FOXP2: variants seen among roughly 807,000 people sequenced by gnomAD.
FOXP2 encodes forkhead box P2.
Under a neutral mutation model 115.8 loss-of-function variants are expected in FOXP2, and 12 were observed. The observed-to-expected ratio is 0.10, with a 90% CI of 0.07 to 0.17. FOXP2 has a LOEUF of 0.17. FOXP2 is among the 10% of genes least tolerant of loss of function. The pLI, the probability that FOXP2 is intolerant of heterozygous loss-of-function variation, is 1.00. For missense variants in FOXP2, 629 were observed against 843.5 expected (o/e 0.75, Z 3.15); for synonymous variants, 328 against 297.7 (o/e 1.10, Z -1.05).
intron 2 of FOXP2, among the ~76,000 whole-genome samples, chr7:114,505,759 A>T (rs1797785000): frequency 6.6e-6 from 1 of 151,530 alleles, no homozygotes; most frequent in Non-Finnish European, 1.5e-5. Flanking sequence ...GTTCAGAAGG[A>T]GTCTACAGTT....
chr7:114,349,367 A>G (rs1791423598), intron 2 of FOXP2, among the ~76,000 whole-genome samples: 1 of 152,118 alleles, frequency 6.6e-6, no homozygotes, highest in East Asian at 1.9e-4. Flanking sequence ...TCCATTTTAG[A>G]GATGAGGAAG....
intron 6 of FOXP2, among the ~76,000 whole-genome samples, chr7:114,641,052 A>G (rs181249054): frequency 1.9e-4 from 29 of 152,334 alleles, no homozygotes; most frequent in African/African-American, 6.7e-4. Context: ...TTCTTAATAT[A>G]GTATTTTAAT....
intron 3 of FOXP2, among the ~76,000 whole-genome samples, chr7:114,575,715 CA>C (rs1225364072): frequency 1.3e-5 from 2 of 151,834 alleles, no homozygotes; most frequent in African/African-American, 4.8e-5. Context: ...CATGAAGATA[CA>C]AAGTTAGGAA....
intron 3 of FOXP2, among the ~76,000 whole-genome samples, chr7:114,537,913 A>G (rs1198874344): frequency 6.6e-6 from 1 of 151,684 alleles, no homozygotes; most frequent in African/African-American, 2.4e-5. Context: ...AAGCATTACC[A>G]GATGTTTCTG....
chr7:114,654,806 T>C (rs1383717141), intron 10 of FOXP2, among the ~76,000 whole-genome samples: 3 of 152,148 alleles, frequency 2.0e-5, no homozygotes, highest in African/African-American at 4.8e-5. Flanking sequence ...GATTAATGAT[T>C]GCCAGTCTTG....
intron 1 of FOXP2, among the ~76,000 whole-genome samples, chr7:114,148,772 T>C (rs75264672): frequency 3.3e-5 from 5 of 152,308 alleles, no homozygotes; most frequent in Non-Finnish European, 5.9e-5. Flanking sequence ...TTATGTTCCT[T>C]TTTCTTCATC....
chr7:114,335,948 G>T (rs970958220), intron 2 of FOXP2, among the ~76,000 whole-genome samples: 21 of 151,724 alleles, frequency 1.4e-4, no homozygotes, highest in Non-Finnish European at 3.0e-5. Context: ...GATGTTTAAA[G>T]ATGAACCAAG....
chr7:114,408,740 AAAATAAAT>A (rs569530031), intron 2 of FOXP2, among the ~76,000 whole-genome samples: 131 of 152,110 alleles, frequency 8.6e-4, no homozygotes, highest in African/African-American at 3.0e-3. Flanking sequence ...AACATAAATA[AAAATAAAT>A]AAATAAATAA....
intron 2 of FOXP2, among the ~76,000 whole-genome samples, chr7:114,455,046 T>A (rs1311997646): frequency 6.6e-6 from 1 of 151,796 alleles, no homozygotes; most frequent in East Asian, 1.9e-4. Flanking sequence ...AAAATCTTGA[T>A]GTTTCCCTAA....
intron 1 of FOXP2, among the ~76,000 whole-genome samples, chr7:114,126,064 T>A (rs575168034): frequency 6.6e-6 from 1 of 152,236 alleles, no homozygotes; most frequent in East Asian, 1.9e-4. Flanking sequence ...ATAGTAATAT[T>A]GTCAAGAAGC....
At chr7:114,591,510 C>A (rs1402219909) in intron 3 of FOXP2, among the ~76,000 whole-genome samples, 2 of 151,898 alleles carry the variant, frequency 1.3e-5, no homozygotes, top group Non-Finnish European at 2.9e-5. Context: ...AGTTATATGT[C>A]AGATGGAAGC....
chr7:114,274,603 CTTTTTTTTTTTTTTTT>C (rs71157577), intron 1 of FOXP2, among the ~76,000 whole-genome samples: 1 of 42,580 alleles, frequency 2.3e-5, no homozygotes, highest in Non-Finnish European at 4.0e-5. Context: ...CCTCTCAAAG[CTTTTTTTTTTTTTTTT>C]TTTTTTTTTT....
chr7:114,141,685 G>A (rs2129147116), intron 1 of FOXP2, among the ~76,000 whole-genome samples: 1 of 152,242 alleles, frequency 6.6e-6, no homozygotes, highest in Admixed American at 6.5e-5. Context: ...CACTTCCTTT[G>A]TGTGTGGCGG....
At chr7:114,590,807 G>A (rs1404581813) in intron 3 of FOXP2, among the ~76,000 whole-genome samples, 2 of 152,016 alleles carry the variant, frequency 1.3e-5, no homozygotes, top group Non-Finnish European at 2.9e-5. Context: ...TTGGCTTGCA[G>A]GATATGATCA....
intron 1 of FOXP2, among the ~76,000 whole-genome samples, chr7:114,129,621 A>G (rs778653173): frequency 6.6e-6 from 1 of 152,182 alleles, no homozygotes; most frequent in African/African-American, 2.4e-5. Context: ...GCTCCAAGGG[A>G]TGTCATCTTA....
intron 2 of FOXP2, among the ~76,000 whole-genome samples, chr7:114,342,792 G>T (rs1437470255): frequency 1.3e-5 from 2 of 151,350 alleles, no homozygotes; most frequent in Non-Finnish European, 3.0e-5. Flanking sequence ...GGTTAAAAAA[G>T]GGTTTCTAGA....
intron 1 of FOXP2, among the ~76,000 whole-genome samples, chr7:114,123,286 C>A (rs567529254): frequency 2.1e-4 from 32 of 150,434 alleles, no homozygotes; most frequent in Non-Finnish European, 4.0e-4. Flanking sequence ...CCCAGGAGTT[C>A]CAGGCTACAG....
chr7:114,561,020 A>G (rs1206194939), intron 3 of FOXP2: 1 of 152,220 alleles, frequency 6.6e-6, no homozygotes, highest in Non-Finnish European at 1.5e-5. Flanking sequence ...CTGTCACTGG[A>G]TTCGATGAAA....
intron 10 of FOXP2, chr7:114,656,636 G>C (rs1246634009): frequency 6.6e-6 from 2 of 303,116 alleles, no homozygotes; most frequent in African/African-American, 4.5e-5. Context: ...CTGGCTTAGA[G>C]TATGAACAGA....
Sources: gnomAD v4.1 joint callset for allele counts (sites outside exome capture counted in the v4.1 genomes callset) on GRCh38, gnomAD v4.1.1 for gene constraint, MANE v1.5 for transcripts, NCBI Gene and HGNC (gene_info 2026-07-23, HGNC 2026-07-21) for gene names.